The following LRFN5 variants were observed in gnomAD, a reference collection of about 807,000 sequenced individuals.
LRFN5 encodes the protein leucine rich repeat and fibronectin type III domain containing 5.
Under a neutral mutation model 45.6 loss-of-function variants are expected in LRFN5, and 24 were observed. The ratio of observed to expected loss-of-function variants is 0.53; its 90% CI spans 0.38 to 0.74. LRFN5 has a LOEUF of 0.74. Ranked by LOEUF, LRFN5 falls within the 30% of genes least tolerant of loss-of-function variation. LRFN5 has a pLI of 0.00. For missense variants in LRFN5, 776 were observed against 861.5 expected, an observed-to-expected ratio of 0.90 and a Z score of 1.24; for synonymous variants, 340 against 313.8, an observed-to-expected ratio of 1.08 and a Z score of -0.88.
At chr14:41,637,550 G>T (rs533808120) in intron 1 of LRFN5, among the ~76,000 whole-genome samples, 1 of 152,100 alleles carries the variant, frequency 6.6e-6, no homozygotes, top group African/African-American at 2.4e-5. Context: ...TTATCACAGC[G>T]CAGTAGTTAG....
intron 2 of LRFN5, among the ~76,000 whole-genome samples, chr14:41,881,040 T>C (rs1012845105): frequency 1.3e-5 from 2 of 152,204 alleles, no homozygotes; most frequent in African/African-American, 4.8e-5. Flanking sequence ...ATGGATGGCC[T>C]GGTTATTTTA....
chr14:41,609,646 A>G (rs375306751), intron 1 of LRFN5, among the ~76,000 whole-genome samples: 5 of 152,122 alleles, frequency 3.3e-5, no homozygotes, highest in African/African-American at 1.2e-4. Flanking sequence ...TAGTCTCATC[A>G]ATGTTTTATT....
chr14:41,694,787 T>G (rs1882531425), intron 1 of LRFN5, among the ~76,000 whole-genome samples: 1 of 151,948 alleles, frequency 6.6e-6, no homozygotes, highest in Non-Finnish European at 1.5e-5. Context: ...GTCAATGATA[T>G]TTGGTGTTAC....
At chr14:41,771,318 A>T (rs956006219) in intron 2 of LRFN5, among the ~76,000 whole-genome samples, 8 of 151,904 alleles carry the variant, frequency 5.3e-5, no homozygotes, top group Non-Finnish European at 1.0e-4. Context: ...ATATTAGCTC[A>T]TGGCGTCCTT....
At chr14:41,645,713 C>T (rs1024390134) in intron 1 of LRFN5, among the ~76,000 whole-genome samples, 2 of 152,158 alleles carry the variant, frequency 1.3e-5, no homozygotes, top group Non-Finnish European at 2.9e-5. Context: ...TTACTATTCT[C>T]CTCTGGGGAC....
At chr14:41,873,408 A>G (rs1421791853) in intron 2 of LRFN5, among the ~76,000 whole-genome samples, 1 of 110,956 alleles carries the variant, frequency 9.0e-6, no homozygotes, top group Admixed American at 9.7e-5. Flanking sequence ...GAGGAGAAAG[A>G]GAGAGAGAGA....
chr14:41,618,975 C>T (rs1199620758), intron 1 of LRFN5, among the ~76,000 whole-genome samples: 1 of 151,942 alleles, frequency 6.6e-6, no homozygotes, highest in African/African-American at 2.4e-5. Flanking sequence ...TTTTGATTTG[C>T]CTAATTTATA....
At chr14:41,650,073 A>G (rs1880021467) in intron 1 of LRFN5, among the ~76,000 whole-genome samples, 1 of 152,178 alleles carries the variant, frequency 6.6e-6, no homozygotes, top group African/African-American at 2.4e-5. Context: ...ACCAAAGTCA[A>G]TAAACAAATT....
intron 2 of LRFN5, among the ~76,000 whole-genome samples, chr14:41,775,779 T>A (rs1886268769): frequency 6.6e-6 from 1 of 152,218 alleles, no homozygotes; most frequent in South Asian, 2.1e-4. Flanking sequence ...AGGAGGAATA[T>A]TCACAAATAA....
intron 1 of LRFN5, among the ~76,000 whole-genome samples, chr14:41,744,311 C>G (rs958530005): frequency 6.6e-6 from 1 of 151,966 alleles, no homozygotes; most frequent in African/African-American, 2.4e-5. Context: ...GAGCTGGTAT[C>G]GTGCCACTTC....
At chr14:41,892,329 G>T in intron 4 of LRFN5, 1 of 957,466 alleles carries the variant, frequency 1.0e-6, no homozygotes, top group Non-Finnish European at 1.2e-6. Flanking sequence ...ATATATGTAT[G>T]TATGTATATG....
chr14:41,624,147 T>G (rs1163215544), intron 1 of LRFN5, among the ~76,000 whole-genome samples: 1 of 152,090 alleles, frequency 6.6e-6, no homozygotes, highest in East Asian at 1.9e-4. Flanking sequence ...TACTCCTAAC[T>G]TCAGCATGGG....
At chr14:41,729,749 C>T (rs1048312796) in intron 1 of LRFN5, among the ~76,000 whole-genome samples, 18 of 151,958 alleles carry the variant, frequency 1.2e-4, no homozygotes, top group African/African-American at 4.3e-4. Context: ...TTTGTTTTTG[C>T]ACCCCTCTTT....
At chr14:41,836,209 C>T (rs146122784) in intron 2 of LRFN5, among the ~76,000 whole-genome samples, 114 of 152,238 alleles carry the variant, frequency 7.5e-4, no homozygotes, top group African/African-American at 2.6e-3. Context: ...TAAATTGTCA[C>T]GCTTCCACTA....
Position 41,891,370 on chromosome 14 carries a change from C to T in LRFN5, c.1506C>T (p.Val502=), listed in dbSNP as rs780679032. The T allele has an allele frequency of 6.2e-6, 10 of 1,613,908 alleles. No homozygotes were observed. The Admixed American group carries it at 1.2e-4, about 19-fold the overall frequency. The part of the protein sequence containing the change: ...DGITSLTATR[V]VGCIQFTTEQ... ...TCACTTCCCTCACTGCCACAAGAGT[C>T]GTGGGTTGCATCCAGTTTACTACGG... is the stretch of plus-strand genomic sequence containing the variant. The change falls in exon 4 of 6, where the codon GTC becomes GTT. Residue 502 remains valine (V), a synonymous_variant. Coordinates refer to ENST00000298119, the MANE Select transcript of LRFN5 (RefSeq NM_152447.5).
intron 1 of LRFN5, among the ~76,000 whole-genome samples, chr14:41,734,345 T>TATATATATATATATATATATA (rs1884329590): frequency 5.3e-5 from 6 of 112,326 alleles, no homozygotes; most frequent in African/African-American, 9.1e-5. Flanking sequence ...TATATATATA[T>TATATATATATATATATATATA]TTAAATTTGC....
intron 1 of LRFN5, among the ~76,000 whole-genome samples, chr14:41,734,028 TC>T (rs1324549834): frequency 2.5e-5 from 3 of 119,790 alleles, no homozygotes; most frequent in African/African-American, 1.1e-4. Context: ...TCTTTTCTTT[TC>T]TTTTTTTTTT....
intron 2 of LRFN5, among the ~76,000 whole-genome samples, chr14:41,880,702 A>G (rs963287945): frequency 4.5e-4 from 69 of 152,124 alleles, no homozygotes; most frequent in Non-Finnish European, 6.8e-4. Context: ...AGCTTATTAT[A>G]TCAATTAATA....
chr14:41,683,176 A>G (rs1881976841), intron 1 of LRFN5, among the ~76,000 whole-genome samples: 1 of 152,216 alleles, frequency 6.6e-6, no homozygotes, highest in African/African-American at 2.4e-5. Flanking sequence ...TTTGCACACC[A>G]ATCAATGTGA....
Sources: allele counts gnomAD v4.1 joint callset (sites outside exome capture counted in the v4.1 genomes callset), GRCh38; gene constraint gnomAD v4.1.1; transcripts MANE v1.5; gene names NCBI Gene and HGNC (gene_info 2026-07-23, HGNC 2026-07-21).